CRKL: variants seen among roughly 807,000 people sequenced by gnomAD.
CRKL encodes the protein CRK like proto-oncogene, adaptor protein, also known as crk-like protein.
CRKL carries 3 observed loss-of-function variants against 23.0 expected under a neutral mutation model. The observed-to-expected ratio is 0.13, with a 90% CI of 0.06 to 0.34. The LOEUF (loss-of-function observed/expected upper bound fraction) is 0.34. Ranked by LOEUF, CRKL falls within the 10% of genes least tolerant of loss-of-function variation. CRKL has a pLI of 1.00. For missense variants in CRKL, 256 were observed against 394.5 expected (o/e 0.65, Z 2.97); for synonymous variants, 188 against 160.7 (o/e 1.17, Z -1.28).
chr22:20,937,131 C>T (rs1201955355), intron 2 of CRKL, among the ~76,000 whole-genome samples: 2 of 151,956 alleles, frequency 1.3e-5, no homozygotes, highest in African/African-American at 4.8e-5. Flanking sequence ...GGATTACAGG[C>T]GTGAGCCGCT....
rs894895904 is a variant in CRKL at position 20,933,893 on chromosome 22, G to A, written c.426G>A (p.Leu142=). The change falls in exon 2 of 3, where the codon CTG becomes CTA. Residue 142 remains leucine, a synonymous_variant. Transcript: ENST00000354336. ...YDFPGNDAED[L]PFKKGEILVI... Reference sequence around the variant, plus strand: ...TTCCTGGGAATGATGCCGAAGACCTGCCCTTTAAAAAGGGTGAGATCCTAG... The same window carrying A: ...TTCCTGGGAATGATGCCGAAGACCTACCCTTTAAAAAGGGTGAGATCCTAG... 1 of 1,614,144 alleles carries A rather than the reference G, an allele frequency of 6.2e-7. No individual in the cohort carries two copies. Among genetic ancestry groups the A allele is most frequent in the Non-Finnish European group, 8.5e-7 (1 of 1,180,010 alleles).
chr22:20,923,089 TTC>T (rs1921050049), intron 1 of CRKL, among the ~76,000 whole-genome samples: 2 of 152,182 alleles, frequency 1.3e-5, no homozygotes, highest in African/African-American at 4.8e-5. Context: ...GATAGATAAA[TTC>T]AGGCTATGAA....
At chr22:20,927,485 C>G (rs1306255129) in intron 1 of CRKL, among the ~76,000 whole-genome samples, 1 of 148,128 alleles carries the variant, frequency 6.8e-6, no homozygotes, top group Non-Finnish European at 1.5e-5. Context: ...AGCCAGTCAC[C>G]ACGCCCAGCT....
intron 2 of CRKL, among the ~76,000 whole-genome samples, chr22:20,946,418 T>C (rs1922055708): frequency 6.6e-6 from 1 of 152,156 alleles, no homozygotes; most frequent in African/African-American, 2.4e-5. Context: ...TTAGAGTTAA[T>C]GTGTCCACTC....
intron 1 of CRKL, among the ~76,000 whole-genome samples, chr22:20,927,192 A>ATTTTTT (rs532930393): frequency 0.062 from 5,049 of 81,860 alleles, 679 homozygotes; most frequent in Middle Eastern, 0.089. Context: ...TTGGAATTGA[A>ATTTTTT]TTTTTTTTTT....
Position 20,946,781 on chromosome 22 carries a change from C to T in CRKL, c.778-2930C>T, listed in dbSNP as rs1469884399. On this transcript the variant is annotated intron_variant, in intron 2 of 2. Transcript: ENST00000354336. ...AGTGAGTGCTTCTTTGAGCTGGATC[C>T]GTGTACCATGAACCCAGAGGAAGAG... Among the ~76,000 whole-genome samples, 11 of 152,010 alleles carry T rather than the reference C, an allele frequency of 7.2e-5. No homozygotes were observed. In the East Asian group the frequency reaches 1.5e-3, roughly 21 times the overall value.
At chr22:20,937,648 A>G (rs1339315881) in intron 2 of CRKL, among the ~76,000 whole-genome samples, 1 of 151,470 alleles carries the variant, frequency 6.6e-6, no homozygotes, top group African/African-American at 2.4e-5. Flanking sequence ...GATAACCTAC[A>G]TACTTGGCCA....
At chr22:20,949,592 A>T in intron 2 of CRKL, 119 bp from the exon 3 acceptor site, 1 of 1,362,522 alleles carries the variant, frequency 7.3e-7, no homozygotes. Context: ...ACAGAGTGAG[A>T]CCCTGTGTCT....
At chr22:20,921,018 C>T (rs1601671735) in intron 1 of CRKL, among the ~76,000 whole-genome samples, 2 of 152,178 alleles carry the variant, frequency 1.3e-5, no homozygotes, top group South Asian at 2.1e-4. Context: ...ACTGAATCTT[C>T]GAATTGCCAC....
chr22:20,944,336 T>C (rs1369506997), intron 2 of CRKL, among the ~76,000 whole-genome samples: 3 of 151,776 alleles, frequency 2.0e-5, no homozygotes, highest in African/African-American at 7.3e-5. Context: ...AACACAAATG[T>C]TTTTGCATTT....
At chr22:20,918,599 T>G (rs1411368420) in intron 1 of CRKL, among the ~76,000 whole-genome samples, 1 of 150,144 alleles carries the variant, frequency 6.7e-6, no homozygotes, top group Non-Finnish European at 1.5e-5. Flanking sequence ...CCTCTTTTTT[T>G]TTTTTTTTTT....
chr22:20,922,483 A>G (rs1165436405), intron 1 of CRKL, among the ~76,000 whole-genome samples: 2 of 152,182 alleles, frequency 1.3e-5, no homozygotes, highest in East Asian at 3.8e-4. Flanking sequence ...CAGCTACAAA[A>G]TGATGGTGAC....
chr22:20,928,812 CAAAAAAAAAAAAAAAA>C (rs57896414), intron 1 of CRKL, among the ~76,000 whole-genome samples: 3 of 81,572 alleles, frequency 3.7e-5, no homozygotes, highest in Non-Finnish European at 6.9e-5. Flanking sequence ...GATCCCATCT[CAAAAAAAAAAAAAAAA>C]AAAAAAAAAG....
At chr22:20,920,545 G>T (rs1601671487) in intron 1 of CRKL, among the ~76,000 whole-genome samples, 3 of 151,952 alleles carry the variant, frequency 2.0e-5, no homozygotes. Flanking sequence ...CCTTCTAGAG[G>T]AAGGAAAAGA....
intron 2 of CRKL, among the ~76,000 whole-genome samples, chr22:20,938,913 A>G (rs5761424): frequency 0.76 from 116,151 of 152,040 alleles, 44,971 homozygotes; most frequent in East Asian, 0.92. Flanking sequence ...GAAGTCAGTG[A>G]AACAGATCGT....
Position 20,949,828 on chromosome 22 carries a change from C to G in CRKL, c.895C>G (p.Pro299Ala), listed in dbSNP as rs766986280. ...CGTCAAAATCTTTGACCCTCAAAAC[C>G]CAGATGAAAACGAGTGATTGCTGTT... ...THVKIFDPQN[P>A]DENE The change falls in exon 3 of 3, where the codon CCA becomes GCA. Residue 299 changes from proline (P) to alanine (A), a missense_variant. Coordinates refer to ENST00000354336, the MANE Select transcript of CRKL (RefSeq NM_005207.4). The G allele has an allele frequency of 1.2e-6, 2 of 1,608,230 alleles. No homozygotes were observed. Among genetic ancestry groups the G allele is most frequent in the East Asian group, 4.5e-5 (2 of 44,576 alleles).
Position 20,950,891 on chromosome 22 carries a change from A to T in CRKL, c.*1046A>T. 4.3e-6 allele frequency: 1 copy of T among 232,012 alleles called. No homozygotes were observed. The highest frequency in any genetic ancestry group is 8.5e-6 in the Non-Finnish European group (1 of 117,232). 14.4% of individuals were successfully genotyped at this position (232,012 alleles called of 1,614,324 possible). A position where few individuals can be genotyped will look rare whatever the true frequency, so the allele number is the denominator to read the frequency against. Reference sequence around the variant, plus strand: ...GTTGCCAGTAGTACCTTGTTTTGCCATGTAGCAGACAACACACAAAATAAT... The same window carrying T: ...GTTGCCAGTAGTACCTTGTTTTGCCTTGTAGCAGACAACACACAAAATAAT... On this transcript the variant is annotated 3_prime_UTR_variant, in exon 3 of 3. Transcript: ENST00000354336.
intron 2 of CRKL, among the ~76,000 whole-genome samples, 154 bp downstream of exon 2, chr22:20,934,398 T>A (rs1921575227): frequency 6.6e-6 from 1 of 152,330 alleles, no homozygotes; most frequent in South Asian, 2.1e-4. Flanking sequence ...CATTTTAAAA[T>A]TTTTTTATAG....
In CRKL at chr22:20,953,126, C is replaced by G. The variant is rs189775686; in HGVS notation, c.*3281C>G. 1 of 231,872 alleles carries G rather than the reference C, an allele frequency of 4.3e-6. No individual in the cohort carries two copies. The highest frequency in any genetic ancestry group is 6.1e-5 in the East Asian group (1 of 16,332). 14.4% of individuals were successfully genotyped at this position (231,872 alleles called of 1,614,324 possible). On this transcript the variant is annotated 3_prime_UTR_variant, in exon 3 of 3. Coordinates refer to ENST00000354336, the MANE Select transcript of CRKL (RefSeq NM_005207.4). ...GAAAAGGGATGATGTGGTTTTTTGC[C>G]AGGTGTTTATAATTAATCCTTTAAT...
Sources: gnomAD v4.1 joint callset for allele counts (sites outside exome capture counted in the v4.1 genomes callset) on GRCh38, gnomAD v4.1.1 for gene constraint, MANE v1.5 for transcripts, NCBI Gene and HGNC (gene_info 2026-07-23, HGNC 2026-07-21) for gene names.